Variants in CDH4 observed in about 807,000 individuals in gnomAD.
The protein encoded by CDH4 is cadherin 4, also known as cadherin-4.
In CDH4, 33 loss-of-function variants were observed where a neutral mutation model predicts 86.0. The ratio of observed to expected loss-of-function variants is 0.38; its 90% CI spans 0.29 to 0.51. The LOEUF (loss-of-function observed/expected upper bound fraction) is 0.51. CDH4 is among the 20% of genes least tolerant of loss of function. CDH4 has a pLI of 0.86. For synonymous variants in CDH4, 555 were observed against 549.4 expected, an observed-to-expected ratio of 1.01 and a Z score of -0.14; for missense variants, 1,114 against 1,307.4, an observed-to-expected ratio of 0.85 and a Z score of 2.28.
At chr20:61,925,546 G>A (rs1435952782) in intron 11 of CDH4, among the ~76,000 whole-genome samples, 1 of 152,202 alleles carries the variant, frequency 6.6e-6, no homozygotes, top group Non-Finnish European at 1.5e-5. Context: ...CCGGGCTGCT[G>A]TTTGCCGAGT....
chr20:61,862,939 C>T (rs576858806), intron 6 of CDH4, among the ~76,000 whole-genome samples: 3 of 152,136 alleles, frequency 2.0e-5, no homozygotes, highest in South Asian at 2.1e-4. Flanking sequence ...TAGTGGGCCC[C>T]GTTTATTTAT....
At chr20:61,305,970 C>T (rs1196915037) in intron 2 of CDH4, among the ~76,000 whole-genome samples, 1 of 152,228 alleles carries the variant, frequency 6.6e-6, no homozygotes, top group Admixed American at 6.5e-5. Flanking sequence ...GCCAATAGCA[C>T]CACTTCCGTT....
intron 2 of CDH4, among the ~76,000 whole-genome samples, chr20:61,605,686 T>G (rs1370055110): frequency 6.6e-6 from 1 of 152,092 alleles, no homozygotes; most frequent in Admixed American, 6.5e-5. Context: ...TCTCATTCAC[T>G]CTTTTCCTGC....
chr20:61,382,588 T>A (rs6121418), intron 2 of CDH4, among the ~76,000 whole-genome samples: 9 of 152,068 alleles, frequency 5.9e-5, no homozygotes, highest in African/African-American at 2.2e-4. Context: ...GACTTATCTT[T>A]TCACAGTTCT....
intron 2 of CDH4, among the ~76,000 whole-genome samples, chr20:61,454,379 C>T (rs1600691458): frequency 1.3e-5 from 2 of 152,108 alleles, no homozygotes; most frequent in Admixed American, 1.3e-4. Context: ...GGGTCAAACA[C>T]GGGCGGTTGT....
chr20:61,514,306 G>GCCCCCCCCCCCCCC (rs1215793319), intron 2 of CDH4, among the ~76,000 whole-genome samples: 10 of 125,900 alleles, frequency 7.9e-5, no homozygotes, highest in African/African-American at 3.2e-4. Context: ...GCCTCAGTCC[G>GCCCCCCCCCCCCCC]CCCCCCCCGC....
At chr20:61,332,450 G>A (rs13037789) in intron 2 of CDH4, among the ~76,000 whole-genome samples, 85,082 of 152,044 alleles carry the variant, frequency 0.56, 23,816 homozygotes, top group Middle Eastern at 0.68. Flanking sequence ...GCCCACAGGA[G>A]GACCTCTCTC....
intron 2 of CDH4, among the ~76,000 whole-genome samples, chr20:61,429,858 G>C (rs998315955): frequency 2.0e-5 from 3 of 152,164 alleles, no homozygotes; most frequent in African/African-American, 7.2e-5. Flanking sequence ...TGGATGGGTG[G>C]GTAGGATTTT....
At chr20:61,770,882 CAA>C (rs4002953) in intron 3 of CDH4, among the ~76,000 whole-genome samples, 2 of 111,990 alleles carry the variant, frequency 1.8e-5, no homozygotes, top group African/African-American at 3.5e-5. Context: ...GACTCCGTCT[CAA>C]AAAAAAAAAA....
intron 2 of CDH4, among the ~76,000 whole-genome samples, chr20:61,524,948 A>G (rs528143817): frequency 3.9e-5 from 6 of 152,220 alleles, no homozygotes; most frequent in African/African-American, 1.4e-4. Context: ...CACCTCCAAC[A>G]TCTTTCATTT....
At chr20:61,820,432 C>T (rs963275844) in intron 4 of CDH4, among the ~76,000 whole-genome samples, 3 of 152,226 alleles carry the variant, frequency 2.0e-5, no homozygotes, top group African/African-American at 7.2e-5. Context: ...AAGGCCTTCA[C>T]ATTCAGATTT....
chr20:61,636,478 C>T (rs897449674), intron 2 of CDH4, among the ~76,000 whole-genome samples: 5 of 152,250 alleles, frequency 3.3e-5, no homozygotes, highest in African/African-American at 4.8e-5. Context: ...TTCGTTTTAT[C>T]ATTTACCAAC....
chr20:61,611,305 C>T (rs1600805818), intron 2 of CDH4, among the ~76,000 whole-genome samples: 1 of 152,096 alleles, frequency 6.6e-6, no homozygotes, highest in Admixed American at 6.5e-5. Context: ...ATACAGGGGT[C>T]CACCCTAAGT....
intron 2 of CDH4, among the ~76,000 whole-genome samples, chr20:61,514,230 T>C (rs1184971618): frequency 2.0e-5 from 3 of 152,018 alleles, no homozygotes; most frequent in Non-Finnish European, 2.9e-5. Flanking sequence ...GTCTGGCTGC[T>C]GGGTATGACT....
At chr20:61,314,669 T>C (rs764478678) in intron 2 of CDH4, among the ~76,000 whole-genome samples, 3 of 152,190 alleles carry the variant, frequency 2.0e-5, no homozygotes, top group Non-Finnish European at 2.9e-5. Flanking sequence ...ATGGTAGTTC[T>C]ACCTTTAATG....
In CDH4 at chr20:61,906,555, C is replaced by T. The variant is rs567155183; in HGVS notation, c.1189-3867C>T. On this transcript the variant is annotated intron_variant, in intron 8 of 15. Coordinates refer to ENST00000614565, the MANE Select transcript of CDH4 (RefSeq NM_001794.5). ...AGGTTTTCACTCAAGGAAGGAGAAG[C>T]GCCCTAAGATTCAGGCAGGCTGCTT... 5.2e-5 allele frequency among the ~76,000 whole-genome samples: 8 copies of T among 152,384 alleles called. No individual in the cohort carries two copies. The East Asian group carries it at 1.2e-3, about 22-fold the overall frequency.
chr20:61,447,040 A>G (rs1049308689), intron 2 of CDH4, among the ~76,000 whole-genome samples: 2 of 152,066 alleles, frequency 1.3e-5, no homozygotes, highest in Admixed American at 1.3e-4. Flanking sequence ...CTTTTCCAGT[A>G]TGATTTGGAG....
chr20:61,612,014 G>A (rs1382804400), intron 2 of CDH4, among the ~76,000 whole-genome samples: 1 of 152,048 alleles, frequency 6.6e-6, no homozygotes, highest in Non-Finnish European at 1.5e-5. Flanking sequence ...TTTTGCAAAG[G>A]TTTCTTGGAT....
intron 6 of CDH4, among the ~76,000 whole-genome samples, chr20:61,866,169 G>A (rs772902698): frequency 3.3e-5 from 5 of 152,226 alleles, no homozygotes; most frequent in African/African-American, 7.2e-5. Context: ...CCCTGGCATG[G>A]GGGATTTTGT....
Sources: allele counts gnomAD v4.1 joint callset (sites outside exome capture counted in the v4.1 genomes callset), GRCh38; gene constraint gnomAD v4.1.1; transcripts MANE v1.5; gene names NCBI Gene and HGNC (gene_info 2026-07-23, HGNC 2026-07-21).